Variants in NECAB1 observed in about 807,000 individuals in gnomAD.
NECAB1 encodes N-terminal EF-hand calcium binding protein 1.
NECAB1 carries 29 observed loss-of-function variants against 57.5 expected under a neutral mutation model. That is an observed-to-expected ratio of 0.50 (90% CI 0.38 to 0.69). The LOEUF is 0.69. Ranked by LOEUF, NECAB1 falls within the 30% of genes least tolerant of loss-of-function variation. The probability of loss-of-function intolerance (pLI) is 0.00; values close to 1 mark genes in which losing one functional copy is unlikely to be tolerated. For missense variants in NECAB1, 372 were observed against 413.8 expected, an observed-to-expected ratio of 0.90 and a Z score of 0.88; for synonymous variants, 142 against 147.7, an observed-to-expected ratio of 0.96 and a Z score of 0.28.
intron 3 of NECAB1, among the ~76,000 whole-genome samples, chr8:90,843,688 C>T (rs774905147): frequency 6.6e-6 from 1 of 152,214 alleles, no homozygotes; most frequent in African/African-American, 2.4e-5. Flanking sequence ...ATTTATTGAG[C>T]ACTGGCTGTG....
intron 9 of NECAB1, among the ~76,000 whole-genome samples, chr8:90,939,096 G>C (rs1490586014): frequency 6.6e-6 from 1 of 152,202 alleles, no homozygotes; most frequent in African/African-American, 2.4e-5. Context: ...ACACTCATTT[G>C]TTTATGTGTG....
intron 5 of NECAB1, among the ~76,000 whole-genome samples, chr8:90,908,998 C>A (rs939585344): frequency 3.9e-5 from 6 of 152,016 alleles, no homozygotes; most frequent in African/African-American, 7.2e-5. Flanking sequence ...GTTACAGAGC[C>A]CAGAGAGGTG....
intron 5 of NECAB1, among the ~76,000 whole-genome samples, chr8:90,906,881 A>ATATATATATATATGTATG (rs1809671032): frequency 8.9e-6 from 1 of 112,646 alleles, no homozygotes; most frequent in African/African-American, 4.1e-5. Context: ...ATACACATAT[A>ATATATATATATATGTATG]TATATATATA....
chr8:90,831,945 T>C (rs1357490796), intron 3 of NECAB1, among the ~76,000 whole-genome samples: 3 of 152,172 alleles, frequency 2.0e-5, no homozygotes, highest in Non-Finnish European at 2.9e-5. Context: ...CCTATACAGG[T>C]GTGCTTTTTA....
At chr8:90,946,401 T>A (rs1422100377) in intron 10 of NECAB1, among the ~76,000 whole-genome samples, 1 of 152,230 alleles carries the variant, frequency 6.6e-6, no homozygotes, top group Non-Finnish European at 1.5e-5. Context: ...AGACATTTCG[T>A]CTCTCCATTC....
At chr8:90,943,365 C>T (rs1810721927) in intron 10 of NECAB1, among the ~76,000 whole-genome samples, 1 of 152,114 alleles carries the variant, frequency 6.6e-6, no homozygotes, top group Admixed American at 6.5e-5. Context: ...GCTGATTTTT[C>T]AGGTAATTTC....
chr8:90,857,247 A>G (rs1812810909), intron 3 of NECAB1, among the ~76,000 whole-genome samples: 1 of 152,198 alleles, frequency 6.6e-6, no homozygotes, highest in Non-Finnish European at 1.5e-5. Context: ...TTTGGGTAAC[A>G]TAAGGCATCT....
At chr8:90,849,613 T>C (rs1353842341) in intron 3 of NECAB1, among the ~76,000 whole-genome samples, 1 of 151,592 alleles carries the variant, frequency 6.6e-6, no homozygotes, top group African/African-American at 2.4e-5. Flanking sequence ...TTTGAATTGT[T>C]ATTTTTTAGA....
chr8:90,835,067 T>G (rs1193286217), intron 3 of NECAB1, among the ~76,000 whole-genome samples: 1 of 152,050 alleles, frequency 6.6e-6, no homozygotes, highest in East Asian at 1.9e-4. Context: ...CATTGTAACA[T>G]GGACTGCTCT....
chr8:90,858,299 T>G (rs530120049), intron 3 of NECAB1, among the ~76,000 whole-genome samples: 53 of 152,270 alleles, frequency 3.5e-4, no homozygotes, highest in Admixed American at 6.5e-5. Context: ...AGTAAGTACA[T>G]CAGAGAAATG....
At chr8:90,921,170 C>G (rs1046071645) in intron 6 of NECAB1, among the ~76,000 whole-genome samples, 25 of 152,072 alleles carry the variant, frequency 1.6e-4, no homozygotes, top group Non-Finnish European at 1.6e-4. Flanking sequence ...TCATCTGCCA[C>G]CATGCCCAGC....
At chr8:90,923,591 C>A (rs1039861427) in intron 6 of NECAB1, among the ~76,000 whole-genome samples, 18 of 152,100 alleles carry the variant, frequency 1.2e-4, no homozygotes, top group African/African-American at 3.6e-4. Context: ...TGGGGTCAAC[C>A]AAAAGGACAA....
At chr8:90,919,930 T>C (rs574211566) in intron 6 of NECAB1, among the ~76,000 whole-genome samples, 2 of 152,238 alleles carry the variant, frequency 1.3e-5, no homozygotes, top group South Asian at 4.2e-4. Flanking sequence ...TTTACCACCA[T>C]GCTGTGAATG....
At chr8:90,870,039 T>G (rs1808593944) in intron 3 of NECAB1, among the ~76,000 whole-genome samples, 1 of 152,156 alleles carries the variant, frequency 6.6e-6, no homozygotes, top group South Asian at 2.1e-4. Flanking sequence ...CAAGATCTGG[T>G]TCTTTGAAAG....
chr8:90,955,448 T>A (rs950291384), intron 12 of NECAB1, 39 bp from the exon 13 acceptor site: 104 of 1,481,796 alleles, frequency 7.0e-5, no homozygotes, highest in Non-Finnish European at 9.4e-5. Context: ...GCCCTATAAG[T>A]TATTTTCATT....
At chr8:90,955,007 ATG>A (rs1391395402) in intron 12 of NECAB1, among the ~76,000 whole-genome samples, 3 of 67,724 alleles carry the variant, frequency 4.4e-5, no homozygotes, top group Admixed American at 4.5e-4. Flanking sequence ...ATGTACACAT[ATG>A]CATATATGTA....
chr8:90,804,769 G>A (rs1277171401), intron 2 of NECAB1, among the ~76,000 whole-genome samples: 1 of 152,096 alleles, frequency 6.6e-6, no homozygotes, highest in Non-Finnish European at 1.5e-5. Flanking sequence ...CTCATTCTCA[G>A]TGTAAAGTTG....
At chr8:90,845,934 A>G (rs945176047) in intron 3 of NECAB1, among the ~76,000 whole-genome samples, 8 of 152,248 alleles carry the variant, frequency 5.3e-5, no homozygotes, top group Non-Finnish European at 4.4e-5. Flanking sequence ...TTGAAAGCCA[A>G]CAGAGTAATA....
At chr8:90,916,033 T>G (rs1329111410) in intron 5 of NECAB1, among the ~76,000 whole-genome samples, 1 of 152,178 alleles carries the variant, frequency 6.6e-6, no homozygotes, top group African/African-American at 2.4e-5. Context: ...GACTCAAATG[T>G]TAATCTCCTT....
Sources: allele counts gnomAD v4.1 joint callset (sites outside exome capture counted in the v4.1 genomes callset), GRCh38; gene constraint gnomAD v4.1.1; transcripts MANE v1.5; gene names NCBI Gene and HGNC (gene_info 2026-07-23, HGNC 2026-07-21).